CFAP54: variants seen among roughly 807,000 people sequenced by gnomAD.
CFAP54 encodes the protein cilia- and flagella-associated protein 54.
Under a neutral mutation model 370.4 loss-of-function variants are expected in CFAP54, and 290 were observed. The observed-to-expected ratio is 0.78, with a 90% CI of 0.71 to 0.86. CFAP54 has a LOEUF of 0.86. Ranked by LOEUF, CFAP54 falls within the 40% of genes least tolerant of loss-of-function variation. CFAP54 has a pLI of 0.00. For synonymous variants in CFAP54, 1,206 were observed against 1,236.5 expected (o/e 0.98, Z 0.52); for missense variants, 3,399 against 3,528.7 (o/e 0.96, Z 0.93).
chr12:96,756,104 AG>A (rs1396657216), intron 56 of CFAP54, among the ~76,000 whole-genome samples: 1 of 152,198 alleles, frequency 6.6e-6, no homozygotes, highest in Non-Finnish European at 1.5e-5. Flanking sequence ...TGAAGGAGAC[AG>A]GGGAAGGAGG....
At chr12:96,654,773 G>A (rs999939869) in intron 36 of CFAP54, among the ~76,000 whole-genome samples, 5 of 149,758 alleles carry the variant, frequency 3.3e-5, no homozygotes, top group Non-Finnish European at 7.4e-5. Flanking sequence ...TTTTTTAGCT[G>A]CCACATGTAA....
At chr12:96,626,694 C>A in intron 29 of CFAP54, 119 bp from the exon 30 acceptor site, 2 of 481,910 alleles carry the variant, frequency 4.2e-6, no homozygotes, top group Non-Finnish European at 6.8e-6. Flanking sequence ...ATGGAGAAAT[C>A]TAAAAAGCAG....
intron 26 of CFAP54, among the ~76,000 whole-genome samples, chr12:96,599,492 A>G (rs1283892602): frequency 2.6e-5 from 4 of 152,220 alleles, no homozygotes; most frequent in Non-Finnish European, 2.9e-5. Flanking sequence ...TCTTTATAGC[A>G]GAATGATTTC....
chr12:96,571,419 T>C (rs11108585), intron 19 of CFAP54, among the ~76,000 whole-genome samples: 49,086 of 152,084 alleles, frequency 0.32, 8,098 homozygotes, highest in South Asian at 0.39. Flanking sequence ...CATCGAGATT[T>C]CTTGGCTGAG....
At chr12:96,536,418 C>T (rs1955504075) in intron 12 of CFAP54, among the ~76,000 whole-genome samples, 1 of 152,146 alleles carries the variant, frequency 6.6e-6, no homozygotes, top group Non-Finnish European at 1.5e-5. Context: ...GTGAAGCACA[C>T]TTGAGAAGTT....
chr12:96,517,607 T>C (rs1410106867), intron 5 of CFAP54, among the ~76,000 whole-genome samples: 1 of 152,204 alleles, frequency 6.6e-6, no homozygotes, highest in African/African-American at 2.4e-5. Flanking sequence ...GGTGATATGA[T>C]TAATTTCATA....
At chr12:96,732,110 TTG>T (rs34235358) in intron 50 of CFAP54, among the ~76,000 whole-genome samples, 17,961 of 148,614 alleles carry the variant, frequency 0.12, 1,832 homozygotes, top group East Asian at 0.44. Context: ...GTGTGTGTGT[TTG>T]TGTGTGTGTG....
intron 63 of CFAP54, among the ~76,000 whole-genome samples, chr12:96,807,017 G>T (rs1267059214): frequency 6.6e-6 from 1 of 152,094 alleles, no homozygotes; most frequent in Admixed American, 6.6e-5. Flanking sequence ...GTGAAGCACT[G>T]GTCTGTGCCG....
intron 46 of CFAP54, among the ~76,000 whole-genome samples, chr12:96,704,383 C>T (rs1370780861): frequency 2.2e-4 from 30 of 138,418 alleles, no homozygotes; most frequent in African/African-American, 6.8e-4. Flanking sequence ...GCTGAGATGG[C>T]GCCACTGCAC....
intron 39 of CFAP54, among the ~76,000 whole-genome samples, chr12:96,668,425 G>C (rs1040881896): frequency 6.6e-6 from 1 of 152,214 alleles, no homozygotes; most frequent in African/African-American, 2.4e-5. Flanking sequence ...GGTGGAAGGA[G>C]AAGGAGGAGC....
chr12:96,763,337 A>G (rs1185631105), intron 58 of CFAP54, among the ~76,000 whole-genome samples: 2 of 152,182 alleles, frequency 1.3e-5, no homozygotes, highest in Non-Finnish European at 2.9e-5. Context: ...ACTTTATGAT[A>G]ATACTATCTC....
intron 60 of CFAP54, among the ~76,000 whole-genome samples, chr12:96,771,605 TAG>T (rs2136679184): frequency 6.6e-6 from 1 of 152,180 alleles, no homozygotes; most frequent in Admixed American, 6.5e-5. Context: ...TGAGCCGAGA[TAG>T]CGCCACTGCA....
rs117252849 is a variant in CFAP54, at chr12:96,574,527, A to C, written c.2620-2058A>C. Among the ~76,000 whole-genome samples, 984 of 152,186 alleles carry C rather than the reference A, an allele frequency of 6.5e-3. 9 individuals are homozygous for C. Among genetic ancestry groups the C allele is most frequent in the Middle Eastern group, 0.027 (8 of 292 alleles). On this transcript the variant is annotated intron_variant, in intron 19 of 67. Coordinates refer to ENST00000524981, the MANE Select transcript of CFAP54 (RefSeq NM_001306084.2). ...TGGCTAAAATTAATATTTTTAAATA[A>C]TGCTAAAAAGAGCTTTTCTAATTTA... is the stretch of plus-strand genomic sequence containing the variant.
intron 65 of CFAP54, among the ~76,000 whole-genome samples, chr12:96,828,761 G>A (rs899585359): frequency 6.6e-6 from 1 of 151,966 alleles, no homozygotes; most frequent in Non-Finnish European, 1.5e-5. Context: ...TCTCTTCTCA[G>A]AAGAAAAGTA....
intron 32 of CFAP54, among the ~76,000 whole-genome samples, chr12:96,633,820 C>T (rs191576310): frequency 3.3e-5 from 5 of 152,138 alleles, no homozygotes; most frequent in African/African-American, 1.2e-4. Context: ...ATTGCTTGGT[C>T]GAATAGTAAG....
In CFAP54 at chr12:96,872,942, A is replaced by T. The variant is rs576101096; in HGVS notation, c.*15-2176A>T. ...AAGAGAGGAATTTATTTACTTTGAA[A>T]ATTGGAGAAATAAAAGAGAAAGAGA... is the stretch of plus-strand genomic sequence containing the variant. On this transcript the variant is annotated intron_variant, in intron 67 of 67. Transcript: ENST00000524981. Among the ~76,000 whole-genome samples the T allele has an allele frequency of 2.1e-3, 322 of 152,338 alleles. 1 individual carries two copies. Among genetic ancestry groups the T allele is most frequent in the Middle Eastern group, 3.4e-3 (1 of 294 alleles).
intron 63 of CFAP54, among the ~76,000 whole-genome samples, chr12:96,796,424 G>T (rs1958762975): frequency 6.6e-6 from 1 of 152,094 alleles, no homozygotes; most frequent in Admixed American, 6.5e-5. Flanking sequence ...GTGTAAATTT[G>T]GAGTACCTTT....
chr12:96,768,033 T>C (rs1324663799), intron 60 of CFAP54, among the ~76,000 whole-genome samples: 1 of 152,054 alleles, frequency 6.6e-6, no homozygotes, highest in Non-Finnish European at 1.5e-5. Context: ...TAGACATTCA[T>C]TTTTTGGCCA....
At chr12:96,741,235 C>T (rs1395683290) in intron 51 of CFAP54, among the ~76,000 whole-genome samples, 3 of 152,036 alleles carry the variant, frequency 2.0e-5, no homozygotes, top group South Asian at 2.1e-4. Context: ...GGCACAGTGT[C>T]GGCTTACTGC....
Sources: gnomAD v4.1 joint callset for allele counts (sites outside exome capture counted in the v4.1 genomes callset) on GRCh38, gnomAD v4.1.1 for gene constraint, MANE v1.5 for transcripts, NCBI Gene and HGNC (gene_info 2026-07-23, HGNC 2026-07-21) for gene names.